The following PHACTR2 variants were observed in gnomAD, a reference collection of about 807,000 sequenced individuals.
PHACTR2 encodes the protein chromosome 6 open reading frame 56.
PHACTR2 carries 30 observed loss-of-function variants against 76.0 expected under a neutral mutation model. The observed-to-expected ratio is 0.39, with a 90% CI of 0.30 to 0.54. The LOEUF is 0.54. Among genes scored for constraint, PHACTR2 ranks in the 20% least tolerant of loss-of-function variants. The pLI, the probability that PHACTR2 is intolerant of heterozygous loss-of-function variation, is 0.61. For missense variants in PHACTR2, 696 were observed against 781.1 expected (o/e 0.89, Z 1.30); for synonymous variants, 292 against 292.5 (o/e 1.00, Z 0.02).
At position 143,811,096 on chromosome 6, in the gene PHACTR2, C is replaced by T. The variant is rs564800785; in HGVS notation, c.1922+3963C>T. Among the ~76,000 whole-genome samples the T allele has an allele frequency of 3.9e-5, 6 of 152,012 alleles. No individual in the cohort carries two copies. Among genetic ancestry groups the T allele is most frequent in the Non-Finnish European group, 7.4e-5 (5 of 68,014 alleles). Reference sequence around the variant, plus strand: ...CAAGAGTATAAAACTATTATTTTTACCTGTTATCTATGCTTTGGAGAGGTG... The same window carrying T: ...CAAGAGTATAAAACTATTATTTTTATCTGTTATCTATGCTTTGGAGAGGTG... On this transcript the variant is annotated intron_variant, in intron 12 of 12. Transcript: ENST00000440869. The surrounding 1 kb of genome is among the most constrained non-coding windows in gnomAD (Gnocchi z 4.1).
intron 1 of PHACTR2, among the ~76,000 whole-genome samples, chr6:143,651,036 C>A (rs1045483278): frequency 6.6e-6 from 1 of 151,712 alleles, no homozygotes; most frequent in Non-Finnish European, 1.5e-5. Flanking sequence ...AGGACATGAA[C>A]AGACACTTTT....
At position 143,603,025 on chromosome 6, in the gene PHACTR2, A is replaced by G. The variant is rs563915551; in HGVS notation, c.217+65818A>G. On this transcript the variant is annotated intron_variant, in intron 1 of 11. Transcript: ENST00000367584. ...CCAGACATGGTGGTGCATGCCTGTA[A>G]TCCCAGCTACTCAGGAGGCTGAGAC... Among the ~76,000 whole-genome samples the G allele has an allele frequency of 2.2e-4, 33 of 152,074 alleles. No homozygotes were observed. In the East Asian group the frequency reaches 3.9e-3, roughly 18 times the overall value.
chr6:143,565,794 G>A (rs1420381977), intron 1 of PHACTR2, among the ~76,000 whole-genome samples: 1 of 152,138 alleles, frequency 6.6e-6, no homozygotes, highest in African/African-American at 2.4e-5. Context: ...CTGCCAAGCT[G>A]GATCTGGGCC....
At chr6:143,734,733 T>C (rs1778779997) in intron 2 of PHACTR2, among the ~76,000 whole-genome samples, 1 of 152,142 alleles carries the variant, frequency 6.6e-6, no homozygotes, top group South Asian at 2.1e-4. Context: ...AAGGCCTCCA[T>C]TGGGTTGAGA....
intron 2 of PHACTR2, among the ~76,000 whole-genome samples, chr6:143,718,840 G>A (rs7742528): frequency 0.6 from 89,640 of 148,936 alleles, 27,566 homozygotes; most frequent in African/African-American, 0.76. Context: ...GATTTTGCTT[G>A]TCTTATTCCA....
In PHACTR2 at chr6:143,755,345, G is replaced by T. The variant is rs748714811; in HGVS notation, c.454+1433G>T. Reference sequence around the variant, plus strand: ...ATCCATCTGTGGTTTGTCCCTGGCAGCCTTCTCACATCCAAGAATCGCATC... The same window carrying T: ...ATCCATCTGTGGTTTGTCCCTGGCATCCTTCTCACATCCAAGAATCGCATC... On this transcript the variant is annotated intron_variant, in intron 4 of 12. Coordinates refer to ENST00000440869, the MANE Select transcript of PHACTR2 (RefSeq NM_001100164.2). The surrounding 1 kb of genome is among the most constrained non-coding windows in gnomAD (Gnocchi z 5.2). 5 of 456,058 alleles carry T rather than the reference G, an allele frequency of 1.1e-5. No homozygotes were observed. Among genetic ancestry groups the T allele is most frequent in the South Asian group, 7.7e-5 (5 of 64,562 alleles). The allele number at this position is 456,058 out of a possible 1,614,324, so 28.3% of individuals were successfully genotyped here.
rs1247937371 is a variant in PHACTR2 at position 143,578,898 on chromosome 6, C to T, written c.217+41691C>T. Among the ~76,000 whole-genome samples, 1 of 139,468 alleles carries T rather than the reference C, an allele frequency of 7.2e-6. No individual in the cohort carries two copies. Among genetic ancestry groups the T allele is most frequent in the Admixed American group, 7.1e-5 (1 of 14,132 alleles). 91.5% of individuals were successfully genotyped at this position (139,468 alleles called of 152,430 possible). ...TCCCCTCTACCCTCATAATCCTGCC[C>T]CCAAAACTTTTTTTTTTGTTGTTGA... On this transcript the variant is annotated intron_variant, in intron 1 of 11. Coordinates refer to the PHACTR2 transcript ENST00000367584. The surrounding 1 kb of genome is among the most constrained non-coding windows in gnomAD (Gnocchi z 4.5).
intron 1 of PHACTR2, among the ~76,000 whole-genome samples, chr6:143,704,314 T>C (rs912794846): frequency 4.6e-5 from 7 of 152,108 alleles, no homozygotes; most frequent in South Asian, 2.1e-4. Context: ...CTCTTACTTA[T>C]AGAATACTGG....
chr6:143,718,880 T>TTTTG (rs1259620578), intron 2 of PHACTR2, among the ~76,000 whole-genome samples: 7 of 130,910 alleles, frequency 5.3e-5, no homozygotes, highest in Admixed American at 1.8e-4. Flanking sequence ...GAAGTGTTTT[T>TTTTG]TTTTTTTTTT....
intron 1 of PHACTR2, among the ~76,000 whole-genome samples, chr6:143,575,587 A>C (rs1282917778): frequency 1.3e-5 from 2 of 152,252 alleles, no homozygotes; most frequent in African/African-American, 4.8e-5. Context: ...CTGGTAAGAC[A>C]CCAGAGACTT....
chr6:143,725,692 T>C (rs1310249821), intron 2 of PHACTR2, among the ~76,000 whole-genome samples: 1 of 151,718 alleles, frequency 6.6e-6, no homozygotes, highest in African/African-American at 2.4e-5. Context: ...AAAAATTAGC[T>C]GGGCATCGCC....
intron 1 of PHACTR2, among the ~76,000 whole-genome samples, chr6:143,632,527 C>T (rs569541620): frequency 6.6e-5 from 10 of 152,196 alleles, no homozygotes; most frequent in African/African-American, 2.4e-4. Flanking sequence ...GATGTCTCCC[C>T]CCGACTATGG....
At chr6:143,555,998 T>A (rs1053360833) in intron 1 of PHACTR2, among the ~76,000 whole-genome samples, 2 of 151,536 alleles carry the variant, frequency 1.3e-5, no homozygotes, top group Admixed American at 6.6e-5. Context: ...TTAATTTTTT[T>A]AAAAAGAAAC....
At chr6:143,645,467 T>C (rs1001141353) in intron 1 of PHACTR2, among the ~76,000 whole-genome samples, 1 of 152,138 alleles carries the variant, frequency 6.6e-6, no homozygotes, top group Non-Finnish European at 1.5e-5. Flanking sequence ...ACAGGAGATA[T>C]AGCTTGTTTA....
chr6:143,648,196 A>G lies in PHACTR2; in HGVS notation c.13+39874A>G, dbSNP rs76484937. On this transcript the variant is annotated intron_variant, in intron 1 of 11. Coordinates refer to the PHACTR2 transcript ENST00000305766. This position sits in a 1 kb window ranked among gnomAD's most constrained non-coding sequence, Gnocchi z 6.7. ...CAGACAGCATCCTGTTAAGGACCGC[A>G]GTGTTTTCTGCAACTTCTTCCATGT... Among the ~76,000 whole-genome samples the G allele has an allele frequency of 0.011, 1,728 of 152,300 alleles. 41 individuals carry two copies. Among genetic ancestry groups the G allele is most frequent in the African/African-American group, 0.039 (1,638 of 41,558 alleles).
chr6:143,740,163 G>A (rs2128467643), intron 2 of PHACTR2, among the ~76,000 whole-genome samples: 1 of 152,284 alleles, frequency 6.6e-6, no homozygotes, highest in Admixed American at 6.5e-5. Flanking sequence ...GACCGTATAG[G>A]GTAACTTCCT....
rs576739961 is a variant in PHACTR2, at chr6:143,712,389, A to T, written c.214+206A>T. On this transcript the variant is annotated intron_variant, in intron 2 of 12. Coordinates refer to ENST00000440869, the MANE Select transcript of PHACTR2 (RefSeq NM_001100164.2). ...TCTATACTGACCTTGACTTTCTAATATATTCTTATTTAAAAATATATATTT... is the reference window on the plus strand; with the variant it reads ...TCTATACTGACCTTGACTTTCTAATTTATTCTTATTTAAAAATATATATTT... The T allele has an allele frequency of 1.1e-3, 284 of 256,998 alleles. 2 individuals carry two copies. Among genetic ancestry groups the T allele is most frequent in the African/African-American group, 5.9e-3 (265 of 44,998 alleles). 15.9% of individuals were successfully genotyped at this position (256,998 alleles called of 1,614,324 possible).
Position 143,599,519 on chromosome 6 carries a change from C to T in PHACTR2, c.217+62312C>T, listed in dbSNP as rs762103973. On this transcript the variant is annotated intron_variant, in intron 1 of 11. Coordinates refer to the PHACTR2 transcript ENST00000367584. The surrounding 1 kb of genome is among the most constrained non-coding windows in gnomAD (Gnocchi z 4.6). ...AAGATTTCTACGTCTTTCATGGAAG[C>T]AATCAATACATGTTTGATAAGAAGT... 1.3e-5 allele frequency among the ~76,000 whole-genome samples: 2 copies of T among 152,146 alleles called. No homozygotes were observed. Among genetic ancestry groups the T allele is most frequent in the Non-Finnish European group, 2.9e-5 (2 of 68,014 alleles).
chr6:143,637,804 A>G (rs1454606257), intron 1 of PHACTR2, among the ~76,000 whole-genome samples: 1 of 152,260 alleles, frequency 6.6e-6, no homozygotes, highest in Non-Finnish European at 1.5e-5. Context: ...TTATAACATA[A>G]TACAATCACA....
Sources: gnomAD v4.1 joint callset for allele counts (sites outside exome capture counted in the v4.1 genomes callset) on GRCh38, gnomAD v4.1.1 for gene constraint, Gnocchi (gnomAD v3.1) non-coding constraint, MANE v1.5 for transcripts, NCBI Gene and HGNC (gene_info 2026-07-23, HGNC 2026-07-21) for gene names.